DNAAF4: variants seen among roughly 807,000 people sequenced by gnomAD.
DNAAF4 encodes the protein dynein assembly factor 4, axonemal.
Under a neutral mutation model 51.8 loss-of-function variants are expected in DNAAF4, and 43 were observed. That is an observed-to-expected ratio of 0.83 (90% CI 0.65 to 1.07). The LOEUF is 1.07. DNAAF4 is among the 50% of genes least tolerant of loss of function. DNAAF4 has a pLI of 0.00. For synonymous variants in DNAAF4, 194 were observed against 165.6 expected (o/e 1.17, Z -1.32); for missense variants, 581 against 493.0 (o/e 1.18, Z -1.69).
intron 4 of DNAAF4, among the ~76,000 whole-genome samples, chr15:55,477,508 G>C (rs991985596): frequency 1.2e-4 from 18 of 152,114 alleles, no homozygotes; most frequent in African/African-American, 4.3e-4. Flanking sequence ...AGTTATATTA[G>C]AACAAGTTGC....
intron 6 of DNAAF4, among the ~76,000 whole-genome samples, chr15:55,443,879 T>C (rs1323153544): frequency 2.0e-5 from 3 of 151,962 alleles, no homozygotes; most frequent in Non-Finnish European, 2.9e-5. Context: ...CCTTCACCCA[T>C]GTTTCGATGG....
chr15:55,487,134 T>C (rs1337074183), intron 4 of DNAAF4, among the ~76,000 whole-genome samples: 1 of 152,218 alleles, frequency 6.6e-6, no homozygotes, highest in East Asian at 1.9e-4. Context: ...AAGTGGGGAC[T>C]TGGAGAACTT....
intron 1 of DNAAF4, among the ~76,000 whole-genome samples, chr15:55,498,986 A>G (rs1473160259): frequency 6.6e-6 from 1 of 152,036 alleles, no homozygotes; most frequent in Non-Finnish European, 1.5e-5. Flanking sequence ...GATAATGCTA[A>G]GGAGGGCTGT....
intron 5 of DNAAF4, among the ~76,000 whole-genome samples, chr15:55,458,358 TGG>T (rs2058049245): frequency 6.6e-6 from 1 of 152,030 alleles, no homozygotes; most frequent in South Asian, 2.1e-4. Context: ...TCAAAACTTC[TGG>T]AAATGAAAGA....
intron 4 of DNAAF4, among the ~76,000 whole-genome samples, chr15:55,473,908 C>A (rs952935763): frequency 6.6e-6 from 1 of 152,072 alleles, no homozygotes; most frequent in Non-Finnish European, 1.5e-5. Context: ...AGGAGAATCT[C>A]TTGAACCTGG....
intron 6 of DNAAF4, chr15:55,443,323 A>G (rs1595899556): frequency 8.9e-7 from 1 of 1,119,008 alleles, no homozygotes; most frequent in East Asian, 2.5e-5. Flanking sequence ...AAGGGCCCCC[A>G]GCGTGCGGAG....
Position 55,432,584 on chromosome 15 carries a change from G to T in DNAAF4, c.1066C>A (p.Pro356Thr), listed in dbSNP as rs1477793660. The change falls in exon 9 of 10, where the codon CCA becomes ACA. Residue 356 changes from proline to threonine, a missense_variant. Physicochemically the swap from Pro to Thr is conservative, Grantham distance 38. Coordinates refer to ENST00000321149, the MANE Select transcript of DNAAF4 (RefSeq NM_130810.4). ...GCATTAGCATTGTCTGTAACAGGTG[G>T]CATCAATAATTCCAGTGCCTTACAA... is the stretch of plus-strand genomic sequence containing the variant. Reference protein sequence around the residue: ...DSSKALELLMPPVTDNANARM... With the variant: ...DSSKALELLMTPVTDNANARM... 2 of 1,611,254 alleles carry T rather than the reference G, an allele frequency of 1.2e-6. No homozygotes were observed. The highest frequency in any genetic ancestry group is 1.7e-6 in the Non-Finnish European group (2 of 1,178,158).
chr15:55,418,508 C>T (rs1015033281), intron 7 of DNAAF4: 3 of 1,526,606 alleles, frequency 2.0e-6, no homozygotes, highest in Non-Finnish European at 2.6e-6. Context: ...AAATAACACT[C>T]TAAATACTGC....
chr15:55,468,565 G>A (rs2058202848), intron 4 of DNAAF4, among the ~76,000 whole-genome samples: 1 of 152,150 alleles, frequency 6.6e-6, no homozygotes, highest in Non-Finnish European at 1.5e-5. Flanking sequence ...CCATGTTAGA[G>A]AGGAAGCCAC....
At chr15:55,418,160 A>T in intron 7 of DNAAF4, 2 of 1,564,458 alleles carry the variant, frequency 1.3e-6, no homozygotes, top group Non-Finnish European at 1.7e-6. Flanking sequence ...GGTGGGACTG[A>T]ATTAAATTTT....
intron 7 of DNAAF4, chr15:55,418,563 C>G: frequency 6.9e-7 from 1 of 1,446,332 alleles, no homozygotes; most frequent in Admixed American, 2.2e-5. Flanking sequence ...ATTCAACACA[C>G]TCTATGAAAA....
chr15:55,489,257 A>G (rs1252150034), intron 4 of DNAAF4, among the ~76,000 whole-genome samples: 1 of 152,152 alleles, frequency 6.6e-6, no homozygotes, highest in Non-Finnish European at 1.5e-5. Flanking sequence ...ATTTTTTTAA[A>G]TTCATGAAAA....
At position 55,421,968 on chromosome 15, in the gene DNAAF4, A is replaced by T. The variant is rs139878090; in HGVS notation, c.1048-3835T>A. Among the ~76,000 whole-genome samples, 196 of 150,350 alleles carry T rather than the reference A, an allele frequency of 1.3e-3. 2 individuals are homozygous for T. Among genetic ancestry groups the T allele is most frequent in the African/African-American group, 4.6e-3 (188 of 41,240 alleles). On this transcript the variant is annotated intron_variant, in intron 7 of 7. Transcript: ENST00000448430. ...TAAAGGTCCCAGGACTATACTAGGC[A>T]CTAGAAGCTAGTCCTAATGGAGTTT...
At chr15:55,434,785 G>T in intron 8 of DNAAF4, 120 bp downstream of exon 8, 1 of 915,004 alleles carries the variant, frequency 1.1e-6, no homozygotes. Flanking sequence ...CAATAAGAAA[G>T]ACAATCTTTA....
At chr15:55,433,709 A>G (rs2057535442) in intron 8 of DNAAF4, among the ~76,000 whole-genome samples, 1 of 133,492 alleles carries the variant, frequency 7.5e-6, no homozygotes, top group South Asian at 2.2e-4. Flanking sequence ...ATATAAATAT[A>G]TTATATATAT....
At chr15:55,499,786 T>C (rs1361049317) in intron 1 of DNAAF4, among the ~76,000 whole-genome samples, 1 of 152,238 alleles carries the variant, frequency 6.6e-6, no homozygotes, top group Non-Finnish European at 1.5e-5. Flanking sequence ...ACTTAAGTGC[T>C]GCAGAGAAGC....
chr15:55,491,122 C>T lies in DNAAF4; in HGVS notation c.405+1G>A, dbSNP rs944647296. The T allele has an allele frequency of 6.2e-6, 10 of 1,613,902 alleles. No individual in the cohort carries two copies. Among genetic ancestry groups the T allele is most frequent in the Admixed American group, 3.3e-5 (2 of 59,968 alleles). Reference sequence around the variant, plus strand: ...GACTTGCCTGTCATTCTGCAACTTACCTTCATCATGACACTTAGTGCGTAT... The same window carrying T: ...GACTTGCCTGTCATTCTGCAACTTATCTTCATCATGACACTTAGTGCGTAT... On this transcript the variant is annotated splice_donor_variant, in intron 4 of 9. Transcript: ENST00000321149. LOFTEE classifies it high-confidence loss of function.
Position 55,430,798 on chromosome 15 carries a change from G to C in DNAAF4, c.1154-19C>G, listed in dbSNP as rs2057480169. On this transcript the variant is annotated intron_variant, in intron 9 of 9. Transcript: ENST00000321149. ...TGTAGGCCTGTGTTTATATAGCAAT[G>C]ATGATTAATACAATAAATATTTTAT... is the stretch of plus-strand genomic sequence containing the variant. The C allele has an allele frequency of 4.5e-6, 7 of 1,546,134 alleles. No individual in the cohort carries two copies. Among genetic ancestry groups the C allele is most frequent in the Non-Finnish European group, 6.2e-6 (7 of 1,123,756 alleles).
At chr15:55,419,941 T>C (rs2057374348) in intron 7 of DNAAF4, among the ~76,000 whole-genome samples, 1 of 151,892 alleles carries the variant, frequency 6.6e-6, no homozygotes. Context: ...AGGTGGAGGT[T>C]GCAGTGAGCC....
Sources: allele counts gnomAD v4.1 joint callset (sites outside exome capture counted in the v4.1 genomes callset), GRCh38; gene constraint gnomAD v4.1.1; transcripts MANE v1.5; gene names NCBI Gene and HGNC (gene_info 2026-07-23, HGNC 2026-07-21).